The following LGR5 variants were observed in gnomAD, a reference collection of about 807,000 sequenced individuals.
The protein encoded by LGR5 is leucine rich repeat containing G protein-coupled receptor 5.
A neutral mutation model predicts 76.7 loss-of-function variants in LGR5; 54 were observed. That is an observed-to-expected ratio of 0.70 (90% CI 0.57 to 0.88). The LOEUF is 0.88. Among genes scored for constraint, LGR5 ranks in the 40% least tolerant of loss-of-function variants. LGR5 has a pLI of 0.00. For synonymous variants in LGR5, 406 were observed against 421.9 expected, an observed-to-expected ratio of 0.96 and a Z score of 0.46; for missense variants, 1,078 against 1,073.3, an observed-to-expected ratio of 1.00 and a Z score of -0.06.
intron 1 of LGR5, among the ~76,000 whole-genome samples, chr12:71,463,968 G>C (rs1872768834): frequency 1.3e-5 from 2 of 152,214 alleles, no homozygotes; most frequent in South Asian, 4.2e-4. Context: ...AAAAAGCACT[G>C]TCTCAGAGGT....
At chr12:71,545,097 C>T (rs1877086689) in intron 4 of LGR5, among the ~76,000 whole-genome samples, 1 of 150,736 alleles carries the variant, frequency 6.6e-6, no homozygotes, top group Non-Finnish European at 1.5e-5. Flanking sequence ...CATGGCAAGA[C>T]CCCATCTCTA....
chr12:71,473,737 T>C (rs1428396556), intron 1 of LGR5, among the ~76,000 whole-genome samples: 1 of 152,106 alleles, frequency 6.6e-6, no homozygotes, highest in African/African-American at 2.4e-5. Flanking sequence ...TTATTCAATT[T>C]ACCAGATTAC....
chr12:71,567,126 A>G, intron 11 of LGR5: 2 of 543,420 alleles, frequency 3.7e-6, no homozygotes, highest in South Asian at 4.5e-5. Flanking sequence ...CTAAGTCCCA[A>G]ACAAGCTCCC....
intron 1 of LGR5, among the ~76,000 whole-genome samples, chr12:71,488,859 G>T (rs984090646): frequency 6.6e-6 from 1 of 152,082 alleles, no homozygotes; most frequent in Non-Finnish European, 1.5e-5. Context: ...GATGATAAGG[G>T]CAATGGTAAT....
At position 71,440,214 on chromosome 12, in the gene LGR5, G is replaced by A. The variant is rs1871696412; in HGVS notation, c.134G>A (p.Arg45Lys). 1.2e-6 allele frequency: 2 copies of A among 1,613,116 alleles called. No homozygotes were observed. Among genetic ancestry groups the A allele is most frequent in the African/African-American group, 2.7e-5 (2 of 74,944 alleles). Residue 45 changes from arginine (R) to lysine (K), a missense_variant, in exon 1 of 18, where the codon AGG (arginine) becomes AAG (lysine). Coordinates refer to ENST00000266674, the MANE Select transcript of LGR5 (RefSeq NM_003667.4). This position sits in a 1 kb window ranked among gnomAD's most constrained non-coding sequence, Gnocchi z 5.3. ...CACTGTCATTGCGAGCCCGACGGCA[G>A]GATGTTGCTCAGGGTGGACTGCTCC... ...PTHCHCEPDG[R>K]MLLRVDCSDL...
intron 5 of LGR5, among the ~76,000 whole-genome samples, chr12:71,553,644 A>T (rs557002218): frequency 4.9e-4 from 75 of 152,306 alleles, no homozygotes; most frequent in Admixed American, 2.6e-3. Flanking sequence ...TTCAGGTCAA[A>T]TTGAAAGATG....
chr12:71,552,584 T>A (rs1194804503), intron 4 of LGR5, among the ~76,000 whole-genome samples: 1 of 143,306 alleles, frequency 7.0e-6, no homozygotes, highest in Non-Finnish European at 1.5e-5. Context: ...AAAAAAAAAA[T>A]TACGCAGTTC....
At chr12:71,517,163 T>C (rs762783712) in intron 2 of LGR5, among the ~76,000 whole-genome samples, 2 of 152,210 alleles carry the variant, frequency 1.3e-5, no homozygotes, top group African/African-American at 2.4e-5. Flanking sequence ...TTTATTCCTA[T>C]GTTTGTATGC....
chr12:71,451,107 G>T (rs1232007866), intron 1 of LGR5, among the ~76,000 whole-genome samples: 1 of 152,218 alleles, frequency 6.6e-6, no homozygotes, highest in Non-Finnish European at 1.5e-5. Flanking sequence ...GGTTCAGAGA[G>T]ATTCTGGCAA....
intron 6 of LGR5, among the ~76,000 whole-genome samples, chr12:71,557,762 T>A (rs1252458726): frequency 6.6e-6 from 1 of 152,094 alleles, no homozygotes; most frequent in African/African-American, 2.4e-5. Context: ...CTGAGTGTGC[T>A]GGGAGAGGAG....
At chr12:71,503,884 A>AG (rs781627324) in intron 1 of LGR5, among the ~76,000 whole-genome samples, 35 of 152,108 alleles carry the variant, frequency 2.3e-4, no homozygotes, top group Non-Finnish European at 4.6e-4. Context: ...GTAAAGAAAT[A>AG]GGGGGGAAAA....
At chr12:71,516,132 GA>G in intron 2 of LGR5, among the ~76,000 whole-genome samples, 1 of 151,776 alleles carries the variant, frequency 6.6e-6, no homozygotes. Context: ...AATGAGGGAG[GA>G]AAAAATAACA....
At chr12:71,459,193 C>T (rs1271085437) in intron 1 of LGR5, among the ~76,000 whole-genome samples, 2 of 152,090 alleles carry the variant, frequency 1.3e-5, no homozygotes, top group Non-Finnish European at 2.9e-5. Flanking sequence ...GGAGCCCTCT[C>T]ATAAGGCAAA....
intron 1 of LGR5, among the ~76,000 whole-genome samples, chr12:71,472,033 G>C (rs1162347345): frequency 6.6e-6 from 1 of 152,196 alleles, no homozygotes; most frequent in East Asian, 1.9e-4. Context: ...GATAAAAGAC[G>C]ACACATTGGG....
intron 13 of LGR5, among the ~76,000 whole-genome samples, chr12:71,576,532 G>T (rs1376009029): frequency 6.6e-6 from 1 of 152,148 alleles, no homozygotes; most frequent in Non-Finnish European, 1.5e-5. Flanking sequence ...GAAAACAACT[G>T]AGGCCATTAG....
At chr12:71,566,326 A>ATTTTGAACAGATATTCATC in intron 8 of LGR5, 78 bp from the exon 9 acceptor site, 1 of 882,554 alleles carries the variant, frequency 1.1e-6, no homozygotes, top group East Asian at 2.5e-5. Context: ...CATTTACTGT[A>ATTTTGAACAGATATTCATC]TTTGTTCAAA....
At chr12:71,536,969 C>G (rs1326136719) in intron 4 of LGR5, among the ~76,000 whole-genome samples, 1 of 152,294 alleles carries the variant, frequency 6.6e-6, no homozygotes, top group East Asian at 1.9e-4. Flanking sequence ...TGGTTTGACA[C>G]TGACCACATC....
chr12:71,565,642 G>C (rs1050018716), intron 8 of LGR5, among the ~76,000 whole-genome samples: 5 of 150,192 alleles, frequency 3.3e-5, no homozygotes, highest in Non-Finnish European at 7.4e-5. Context: ...CAAGTCCAAA[G>C]TAGTTACCCA....
intron 1 of LGR5, among the ~76,000 whole-genome samples, chr12:71,474,341 T>C (rs1009497367): frequency 1.3e-5 from 2 of 152,226 alleles, no homozygotes; most frequent in African/African-American, 4.8e-5. Flanking sequence ...CCCGAGCAGG[T>C]ACTGGTGTTT....
Sources: allele counts gnomAD v4.1 joint callset (sites outside exome capture counted in the v4.1 genomes callset), GRCh38; gene constraint gnomAD v4.1.1; non-coding constraint Gnocchi (gnomAD v3.1); transcripts MANE v1.5; gene names NCBI Gene and HGNC (gene_info 2026-07-23, HGNC 2026-07-21).